CLK4: variants seen among roughly 807,000 people sequenced by gnomAD.
CLK4 encodes dual specificity protein kinase CLK4.
A neutral mutation model predicts 64.4 loss-of-function variants in CLK4; 37 were observed. The observed-to-expected ratio is 0.57, with a 90% CI of 0.44 to 0.76. CLK4 has a LOEUF of 0.76. CLK4 is among the 30% of genes least tolerant of loss of function. The pLI is 0.00. For synonymous variants in CLK4, 175 were observed against 191.6 expected, an observed-to-expected ratio of 0.91 and a Z score of 0.72; for missense variants, 457 against 605.1, an observed-to-expected ratio of 0.76 and a Z score of 2.57.
rs1581707348 is a variant in CLK4 at position 178,613,385 on chromosome 5, C to T, written c.826+88G>A. 9 of 989,108 alleles carry T rather than the reference C, an allele frequency of 9.1e-6. No individual in the cohort carries two copies. In the East Asian group the frequency reaches 2.7e-4, roughly 30 times the overall value. 61.3% of individuals were successfully genotyped at this position (989,108 alleles called of 1,614,324 possible). ...GCTGGGACCCGAGAGCGCCACTGCA[C>T]TCCAGCCTGGGTGACAGAGCGAGAC... On this transcript the variant is annotated intron_variant, in intron 7 of 12. Coordinates refer to ENST00000316308, the MANE Select transcript of CLK4 (RefSeq NM_020666.3).
chr5:178,620,408 A>C (rs1764693213), intron 2 of CLK4: 1 of 267,808 alleles, frequency 3.7e-6, no homozygotes, highest in African/African-American at 2.2e-5. Context: ...CAACGTATAG[A>C]GTAACAAAAC....
chr5:178,612,528 T>C lies in CLK4; in HGVS notation c.939A>G (p.Thr313=), dbSNP rs776188057. The change falls in exon 9 of 13, where the codon ACA becomes ACG. Residue 313 remains threonine, a synonymous_variant. Coordinates refer to ENST00000316308, the MANE Select transcript of CLK4 (RefSeq NM_020666.3). ...YNSKMKRDER[T]LKNTDIKVVD... ...CAACTTTGATATCTGTGTTTTTCAG[T>C]GTGCGTTCATCACGTTTCTAGAGAG... The C allele has an allele frequency of 2.5e-6, 4 of 1,613,978 alleles. No homozygotes were observed. The highest frequency in any genetic ancestry group is 3.4e-6 in the Non-Finnish European group (4 of 1,179,988).
At chr5:178,605,647 A>G (rs1764456908) in intron 10 of CLK4, among the ~76,000 whole-genome samples, 1 of 152,220 alleles carries the variant, frequency 6.6e-6, no homozygotes, top group African/African-American at 2.4e-5. Flanking sequence ...ATAATTCTCT[A>G]AACAATTCTG....
intron 9 of CLK4, among the ~76,000 whole-genome samples, chr5:178,611,266 C>A (rs1764553122): frequency 6.6e-6 from 1 of 152,182 alleles, no homozygotes; most frequent in Non-Finnish European, 1.5e-5. Flanking sequence ...TCCACTATCT[C>A]TTCCCATATT....
intron 5 of CLK4, among the ~76,000 whole-genome samples, chr5:178,614,463 G>A (rs1764600414): frequency 6.6e-6 from 1 of 152,178 alleles, no homozygotes; most frequent in Non-Finnish European, 1.5e-5. Flanking sequence ...ACAGGGGAGG[G>A]CAGTGGGCTT....
intron 5 of CLK4, among the ~76,000 whole-genome samples, chr5:178,616,067 T>G (rs1241253521): frequency 1.3e-5 from 2 of 152,178 alleles, no homozygotes; most frequent in Non-Finnish European, 2.9e-5. Flanking sequence ...TTCCCCCTGT[T>G]GAAATTTGTC....
rs867263069 is a variant in CLK4, at chr5:178,616,877, C to A, written c.542+5G>T. 3 of 1,605,980 alleles carry A rather than the reference C, an allele frequency of 1.9e-6. No individual in the cohort carries two copies. The highest frequency in any genetic ancestry group is 2.6e-6 in the Non-Finnish European group (3 of 1,174,236). ...GAATGTTTGAAAAGGAAAAAACAAACTTACATGCCATGATCAATGCACTCT... is the reference window on the plus strand; with the variant it reads ...GAATGTTTGAAAAGGAAAAAACAAAATTACATGCCATGATCAATGCACTCT... On this transcript the variant is annotated splice_donor_5th_base_variant and intron_variant, in intron 5 of 12. Transcript: ENST00000316308.
chr5:178,613,043 T>C (rs1225114762), intron 7 of CLK4, among the ~76,000 whole-genome samples, 153 bp from the exon 8 acceptor site: 2 of 152,232 alleles, frequency 1.3e-5, no homozygotes, highest in Non-Finnish European at 2.9e-5. Context: ...TTTGGATATA[T>C]AGCTTGTATA....
intron 2 of CLK4, among the ~76,000 whole-genome samples, chr5:178,619,354 T>C (rs1047031344): frequency 7.2e-5 from 11 of 152,258 alleles, no homozygotes; most frequent in African/African-American, 2.7e-4. Context: ...ACCACTATTA[T>C]ACAGGCCAAT....
rs753554591 is a variant in CLK4, at chr5:178,608,371, C to G, written c.1134+5G>C. ...ATTATTAAATGGAATTTACTAGCCA[C>G]GTACCTGAAAGACTGTGAAACCAAG... On this transcript the variant is annotated splice_donor_5th_base_variant and intron_variant, in intron 10 of 12. Transcript: ENST00000316308. 1.9e-6 allele frequency: 3 copies of G among 1,573,840 alleles called. No homozygotes were observed. Among genetic ancestry groups the G allele is most frequent in the East Asian group, 2.3e-5 (1 of 43,720 alleles).
intron 5 of CLK4, among the ~76,000 whole-genome samples, chr5:178,616,252 C>G (rs1764625846): frequency 6.6e-6 from 1 of 152,148 alleles, no homozygotes; most frequent in Admixed American, 6.5e-5. Flanking sequence ...GCATGTGCCA[C>G]CACACCTGGC....
chr5:178,625,319 T>C (rs138998979), intron 1 of CLK4, among the ~76,000 whole-genome samples: 158 of 150,652 alleles, frequency 1.0e-3, no homozygotes, highest in Non-Finnish European at 1.7e-3. Flanking sequence ...GAGCCTGTAG[T>C]CCCACCTACT....
chr5:178,621,695 A>C (rs1764708954), intron 2 of CLK4: 1 of 152,200 alleles, frequency 6.6e-6, no homozygotes, highest in African/African-American at 2.4e-5. Context: ...ATAATTTGGC[A>C]AACTCTCTAG....
Position 178,603,016 on chromosome 5 carries a change from A to G in CLK4, c.*601T>C, listed in dbSNP as rs1310595672. 6.6e-6 allele frequency: 1 copy of G among 152,352 alleles called. No homozygotes were observed. The highest frequency in any genetic ancestry group is 1.5e-5 in the Non-Finnish European group (1 of 68,040). 9.4% of individuals were successfully genotyped at this position (152,352 alleles called of 1,614,324 possible). ...AATAAAGTGTGTATGTGGTTTTATT[A>G]AACAAACTGTCACAATGGACAAACT... On this transcript the variant is annotated 3_prime_UTR_variant, in exon 13 of 13. Coordinates refer to ENST00000316308, the MANE Select transcript of CLK4 (RefSeq NM_020666.3).
intron 2 of CLK4, 63 bp downstream of exon 2, chr5:178,623,193 G>A: frequency 7.1e-7 from 1 of 1,415,946 alleles, no homozygotes; most frequent in Non-Finnish European, 9.9e-7. Context: ...AGCTATATAA[G>A]CAAATGACAA....
intron 10 of CLK4, 135 bp downstream of exon 10, chr5:178,608,241 G>A (rs1049470336): frequency 4.3e-5 from 26 of 601,418 alleles, no homozygotes; most frequent in Non-Finnish European, 7.3e-5. Flanking sequence ...TTTAAAGAAT[G>A]ACCATTTTGC....
intron 1 of CLK4, 35 bp from the exon 2 acceptor site, chr5:178,623,451 T>C (rs374975515): frequency 3.3e-4 from 521 of 1,556,456 alleles, no homozygotes; most frequent in Non-Finnish European, 4.4e-4. Context: ...TTGTGGAGGT[T>C]ACAGATGTGT....
At chr5:178,609,053 A>C (rs1764514189) in intron 9 of CLK4, among the ~76,000 whole-genome samples, 1 of 152,142 alleles carries the variant, frequency 6.6e-6, no homozygotes. Flanking sequence ...TCTATACATA[A>C]ACATCGGCGC....
intron 11 of CLK4, chr5:178,604,854 G>C (rs1764442883): frequency 6.6e-6 from 1 of 152,660 alleles, no homozygotes; most frequent in African/African-American, 2.4e-5. Context: ...ACATGGCCTA[G>C]TGCAGTGACT....
Sources: gnomAD v4.1 joint callset for allele counts (sites outside exome capture counted in the v4.1 genomes callset) on GRCh38, gnomAD v4.1.1 for gene constraint, MANE v1.5 for transcripts, NCBI Gene and HGNC (gene_info 2026-07-23, HGNC 2026-07-21) for gene names.